The following TTC12 variants were observed in gnomAD, a reference collection of about 807,000 sequenced individuals.
The protein encoded by TTC12 is tetratricopeptide repeat domain 12.
Under a neutral mutation model 90.1 loss-of-function variants are expected in TTC12, and 70 were observed. That is an observed-to-expected ratio of 0.78 (90% CI 0.64 to 0.95). The LOEUF (loss-of-function observed/expected upper bound fraction) is 0.95, where lower values mean the gene tolerates loss of function less well. Ranked by LOEUF, TTC12 falls within the 40% of genes least tolerant of loss-of-function variation. The pLI is 0.00. For synonymous variants in TTC12, 296 were observed against 311.5 expected (o/e 0.95, Z 0.53); for missense variants, 819 against 846.1 (o/e 0.97, Z 0.40).
chr11:113,329,168 T>C (rs1947874227), intron 6 of TTC12, among the ~76,000 whole-genome samples: 1 of 152,264 alleles, frequency 6.6e-6, no homozygotes, highest in African/African-American at 2.4e-5. Flanking sequence ...TACTGGGTCA[T>C]ATGGTAACAT....
chr11:113,326,812 G>A (rs543540125), intron 6 of TTC12, among the ~76,000 whole-genome samples: 4 of 152,228 alleles, frequency 2.6e-5, no homozygotes, highest in African/African-American at 7.2e-5. Context: ...AACTTTTTGA[G>A]GGCAAAAACT....
chr11:113,326,074 G>A (rs956157104), intron 6 of TTC12, among the ~76,000 whole-genome samples: 1 of 152,152 alleles, frequency 6.6e-6, no homozygotes, highest in South Asian at 2.1e-4. Flanking sequence ...CCACCTGTTA[G>A]TTTCTCATTC....
chr11:113,343,066 A>G (rs1303093873), intron 12 of TTC12, among the ~76,000 whole-genome samples: 2 of 152,254 alleles, frequency 1.3e-5, no homozygotes, highest in African/African-American at 2.4e-5. Flanking sequence ...AAATCTTGAT[A>G]TATCTAACTC....
downstream of TTC12, among the ~76,000 whole-genome samples, chr11:113,367,352 C>CT (rs1437851220): frequency 6.6e-6 from 1 of 152,250 alleles, no homozygotes. Flanking sequence ...TCTGGAAACA[C>CT]TAATACCTGC....
At chr11:113,357,006 C>A (rs1432490428) in intron 16 of TTC12, among the ~76,000 whole-genome samples, 2 of 152,156 alleles carry the variant, frequency 1.3e-5, no homozygotes, top group Non-Finnish European at 2.9e-5. Flanking sequence ...TGGATGATAT[C>A]CTGAAATATG....
chr11:113,354,528 T>G (rs957571628), intron 16 of TTC12, among the ~76,000 whole-genome samples: 1 of 152,208 alleles, frequency 6.6e-6, no homozygotes, highest in Non-Finnish European at 1.5e-5. Context: ...AGGGCATCCT[T>G]ATCTTGTGCT....
chr11:113,355,938 C>A (rs1949608264), intron 16 of TTC12, among the ~76,000 whole-genome samples: 1 of 152,176 alleles, frequency 6.6e-6, no homozygotes. Flanking sequence ...TTGGAGAAAT[C>A]TGTGTATGTA....
At chr11:113,322,112 ATTAC>A (rs1335428351) in intron 2 of TTC12, among the ~76,000 whole-genome samples, 5 of 152,236 alleles carry the variant, frequency 3.3e-5, no homozygotes, top group Admixed American at 3.3e-4. Context: ...AAAATATTAT[ATTAC>A]TTTCGGTATG....
intron 10 of TTC12, 139 bp from the exon 11 acceptor site, chr11:113,340,525 C>T (rs2137993327): frequency 1.5e-6 from 1 of 656,278 alleles, no homozygotes; most frequent in Non-Finnish European, 2.8e-6. Flanking sequence ...ATGTAAAGTT[C>T]ATTTGTTCCT....
At chr11:113,368,124 G>T, downstream of TTC12, 1 of 1,273,802 alleles carries the variant, frequency 7.9e-7, no homozygotes, top group Non-Finnish European at 1.0e-6. Flanking sequence ...GGCTATGATA[G>T]GTGTATTCTC....
intron 14 of TTC12, among the ~76,000 whole-genome samples, chr11:113,350,849 A>G (rs113456760): frequency 2.4e-4 from 37 of 152,342 alleles, no homozygotes; most frequent in Middle Eastern, 3.4e-3. Flanking sequence ...GGAGATGCGC[A>G]TGCATCCAGG....
intron 12 of TTC12, among the ~76,000 whole-genome samples, chr11:113,343,458 T>G (rs1336995664): frequency 2.0e-5 from 3 of 152,226 alleles, no homozygotes; most frequent in African/African-American, 7.2e-5. Flanking sequence ...GTTTGATATG[T>G]GGGCTACACA....
downstream of TTC12, chr11:113,368,512 TC>T (rs780632816): frequency 6.5e-7 from 1 of 1,549,018 alleles, no homozygotes; most frequent in South Asian, 1.2e-5. Context: ...GGATTTTCCA[TC>T]CTAAAGAGGA....
intron 2 of TTC12, among the ~76,000 whole-genome samples, chr11:113,320,233 G>A (rs112473833): frequency 2.7e-3 from 418 of 152,190 alleles, no homozygotes; most frequent in African/African-American, 8.7e-3. Context: ...GATCTGCAGC[G>A]CTAAGTGGAA....
intron 13 of TTC12, 91 bp downstream of exon 13, chr11:113,344,531 T>C (rs1462268024): frequency 2.2e-6 from 3 of 1,336,200 alleles, no homozygotes; most frequent in East Asian, 2.4e-5. Context: ...ATCTCTGTTG[T>C]GTGACTTGAA....
At chr11:113,332,385 G>A (rs1228043938) in intron 7 of TTC12, among the ~76,000 whole-genome samples, 3 of 152,196 alleles carry the variant, frequency 2.0e-5, no homozygotes, top group East Asian at 1.9e-4. Context: ...GGTGACACAC[G>A]ATAGGCTGGG....
rs942975851 is a variant in TTC12, at chr11:113,366,282, A to G, written c.2100A>G (p.Lys700=). ...HGLEILNSTM[K]YISDS is the part of the protein sequence containing the mutation. ...TAGAAATTCTCAACTCTACGATGAA[A>G]TACATCAGTGATTCTTGAGAGAGAC... Residue 700 remains lysine (K), a synonymous_variant, in exon 22 of 22, where the codon AAA becomes AAG. Transcript: ENST00000529221. The G allele has an allele frequency of 6.2e-7, 1 of 1,613,664 alleles. No individual in the cohort carries two copies. The highest frequency in any genetic ancestry group is 1.3e-5 in the African/African-American group (1 of 74,930).
At chr11:113,368,714 G>A (rs947816435), downstream of TTC12, 10 of 578,742 alleles carry the variant, frequency 1.7e-5, no homozygotes, top group African/African-American at 3.7e-5. Flanking sequence ...AACAGGTCAC[G>A]GGCTGCTATT....
chr11:113,368,583 G>T (rs1270005743), downstream of TTC12: 1 of 1,261,942 alleles, frequency 7.9e-7, no homozygotes, highest in Non-Finnish European at 1.1e-6. Flanking sequence ...GCAGGTAACA[G>T]ACAGTCCAGA....
Sources: gnomAD v4.1 joint callset for allele counts (sites outside exome capture counted in the v4.1 genomes callset) on GRCh38, gnomAD v4.1.1 for gene constraint, MANE v1.5 for transcripts, NCBI Gene and HGNC (gene_info 2026-07-23, HGNC 2026-07-21) for gene names.